The following MFHAS1 variants were observed in gnomAD, a reference collection of about 807,000 sequenced individuals.
MFHAS1 encodes the protein multifunctional ROCO family signaling regulator 1.
MFHAS1 carries 50 observed loss-of-function variants against 70.4 expected under a neutral mutation model. The observed-to-expected ratio is 0.71, with a 90% CI of 0.57 to 0.90. The LOEUF (loss-of-function observed/expected upper bound fraction) is 0.90. MFHAS1 is among the 40% of genes least tolerant of loss of function. The pLI, the probability that MFHAS1 is intolerant of heterozygous loss-of-function variation, is 0.00. For missense variants in MFHAS1, 1,795 were observed against 1,347.6 expected (o/e 1.33, Z -5.20); for synonymous variants, 952 against 620.0 (o/e 1.54, Z -7.96).
intron 1 of MFHAS1, among the ~76,000 whole-genome samples, chr8:8,857,685 G>T (rs190607089): frequency 6.6e-6 from 1 of 151,840 alleles, no homozygotes; most frequent in Non-Finnish European, 1.5e-5. Flanking sequence ...GCTTGAACCC[G>T]GGAGGCAGAG....
At chr8:8,836,542 C>A (rs983621450) in intron 1 of MFHAS1, among the ~76,000 whole-genome samples, 13 of 152,106 alleles carry the variant, frequency 8.5e-5, no homozygotes, top group African/African-American at 3.1e-4. Flanking sequence ...CCACACCCAG[C>A]CAATTTTGTT....
At chr8:8,832,508 A>C (rs1309983340) in intron 1 of MFHAS1, among the ~76,000 whole-genome samples, 4 of 152,074 alleles carry the variant, frequency 2.6e-5, no homozygotes, top group African/African-American at 9.6e-5. Context: ...ATCATTAGCT[A>C]TCAGAAACAC....
At chr8:8,858,697 A>G (rs1808545201) in intron 1 of MFHAS1, among the ~76,000 whole-genome samples, 1 of 152,138 alleles carries the variant, frequency 6.6e-6, no homozygotes, top group Non-Finnish European at 1.5e-5. Flanking sequence ...AAATCTATGC[A>G]TAAAGTCCTG....
chr8:8,876,594 G>A (rs528348423), intron 1 of MFHAS1, among the ~76,000 whole-genome samples: 1 of 152,044 alleles, frequency 6.6e-6, no homozygotes, highest in African/African-American at 2.4e-5. Flanking sequence ...AATTAGCCGG[G>A]CATAGTGGTG....
At chr8:8,877,541 G>C (rs563638026) in intron 1 of MFHAS1, among the ~76,000 whole-genome samples, 21 of 152,272 alleles carry the variant, frequency 1.4e-4, no homozygotes, top group African/African-American at 4.8e-4. Context: ...AGGGATTACA[G>C]AGGCATGCGG....
chr8:8,861,185 C>T (rs1808646894), intron 1 of MFHAS1, among the ~76,000 whole-genome samples: 1 of 152,166 alleles, frequency 6.6e-6, no homozygotes, highest in Non-Finnish European at 1.5e-5. Flanking sequence ...CAAAATAAAA[C>T]ATGTAATGTA....
At chr8:8,786,096 A>C (rs1338027076) in intron 2 of MFHAS1, 41 bp from the exon 3 acceptor site, 1 of 1,559,068 alleles carries the variant, frequency 6.4e-7, no homozygotes, top group Non-Finnish European at 8.8e-7. Context: ...GATGACAAAA[A>C]CGTACTGGAC....
At chr8:8,852,244 C>T (rs961332954) in intron 1 of MFHAS1, among the ~76,000 whole-genome samples, 9 of 152,088 alleles carry the variant, frequency 5.9e-5, no homozygotes, top group Admixed American at 2.6e-4. Context: ...GAAGCCGAGG[C>T]GGGCAGATCA....
At chr8:8,864,164 C>G (rs761222181) in intron 1 of MFHAS1, among the ~76,000 whole-genome samples, 3 of 152,258 alleles carry the variant, frequency 2.0e-5, no homozygotes, top group Non-Finnish European at 2.9e-5. Flanking sequence ...CAACACTTGT[C>G]TCAGCAGTGA....
At chr8:8,799,498 C>G (rs1333999853) in intron 1 of MFHAS1, among the ~76,000 whole-genome samples, 3 of 152,172 alleles carry the variant, frequency 2.0e-5, no homozygotes, top group Non-Finnish European at 4.4e-5. Flanking sequence ...GTTCATGCCT[C>G]TAATCCCAGC....
chr8:8,841,407 A>G (rs1425118889), intron 1 of MFHAS1, among the ~76,000 whole-genome samples: 1 of 152,000 alleles, frequency 6.6e-6, no homozygotes, highest in Admixed American at 6.6e-5. Flanking sequence ...CCCAGGAGGC[A>G]GAGTGAGCCG....
chr8:8,832,367 CAAT>C (rs2117326526), intron 1 of MFHAS1, among the ~76,000 whole-genome samples: 1 of 150,228 alleles, frequency 6.7e-6, no homozygotes, highest in South Asian at 2.1e-4. Context: ...TCATACAGCT[CAAT>C]GATAAGACGA....
chr8:8,796,501 G>A (rs1486982737), intron 2 of MFHAS1, among the ~76,000 whole-genome samples: 2 of 151,160 alleles, frequency 1.3e-5, no homozygotes, highest in Non-Finnish European at 1.5e-5. Flanking sequence ...GGCTAACAGG[G>A]TGAAACCCCG....
Position 8,784,444 on chromosome 8 carries a change from C to T in MFHAS1, c.*1578G>A, listed in dbSNP as rs1257289639. The T allele has an allele frequency of 2.6e-5, 4 of 152,104 alleles. No individual in the cohort carries two copies. Among genetic ancestry groups the T allele is most frequent in the South Asian group, 2.1e-4 (1 of 4,824 alleles). The allele number at this position is 152,104 out of a possible 1,614,324, so 9.4% of individuals were successfully genotyped here. On this transcript the variant is annotated 3_prime_UTR_variant, in exon 3 of 3. Transcript: ENST00000276282. The stretch of plus-strand genomic sequence containing the variant: ...AATGCAAACATCGTCTGATCCCATT[C>T]GATTTTTATCATCATAAGAAATCAT...
chr8:8,785,504 G>A lies in MFHAS1; in HGVS notation c.*518C>T, dbSNP rs1805509089. 1 of 153,138 alleles carries A rather than the reference G, an allele frequency of 6.5e-6. No individual in the cohort carries two copies. Among genetic ancestry groups the A allele is most frequent in the Non-Finnish European group, 1.5e-5 (1 of 68,486 alleles). The allele number at this position is 153,138 out of a possible 1,614,324, so 9.5% of individuals were successfully genotyped here. On this transcript the variant is annotated 3_prime_UTR_variant, in exon 3 of 3. Transcript: ENST00000276282. ...TCTCATGCAGAATATTGCACCCAGT[G>A]TGAACTAACGCTAGAAGCTTCAAAC...
intron 1 of MFHAS1, among the ~76,000 whole-genome samples, chr8:8,830,867 G>GA (rs1409337469): frequency 6.6e-6 from 1 of 152,146 alleles, no homozygotes; most frequent in African/African-American, 2.4e-5. Flanking sequence ...AAAGTGCTGG[G>GA]ATTACAGGCA....
chr8:8,806,178 T>C (rs1421621662), intron 1 of MFHAS1, among the ~76,000 whole-genome samples: 1 of 152,182 alleles, frequency 6.6e-6, no homozygotes, highest in African/African-American at 2.4e-5. Flanking sequence ...CAAGCCACTC[T>C]TCCTCACGGG....
chr8:8,845,013 A>T (rs1807976415), intron 1 of MFHAS1, among the ~76,000 whole-genome samples: 1 of 152,254 alleles, frequency 6.6e-6, no homozygotes, highest in Non-Finnish European at 1.5e-5. Context: ...TTGTTGGAGT[A>T]AGAGGAAAAC....
chr8:8,795,754 G>A (rs926288307), intron 2 of MFHAS1, among the ~76,000 whole-genome samples: 4 of 152,216 alleles, frequency 2.6e-5, no homozygotes, highest in African/African-American at 9.7e-5. Flanking sequence ...GGGTGAGATG[G>A]ATGCCTGTCA....
Sources: gnomAD v4.1 joint callset for allele counts (sites outside exome capture counted in the v4.1 genomes callset) on GRCh38, gnomAD v4.1.1 for gene constraint, MANE v1.5 for transcripts, NCBI Gene and HGNC (gene_info 2026-07-23, HGNC 2026-07-21) for gene names.